LRIF1: variants seen among roughly 807,000 people sequenced by gnomAD.
LRIF1 encodes ligand-dependent nuclear receptor-interacting factor 1.
LRIF1 carries 32 observed loss-of-function variants against 52.7 expected under a neutral mutation model. That is an observed-to-expected ratio of 0.61 (90% CI 0.46 to 0.82). The LOEUF is 0.82. Ranked by LOEUF, LRIF1 falls within the 40% of genes least tolerant of loss-of-function variation. LRIF1 has a pLI of 0.00. For synonymous variants in LRIF1, 323 were observed against 317.4 expected, an observed-to-expected ratio of 1.02 and a Z score of -0.19; for missense variants, 887 against 892.0, an observed-to-expected ratio of 0.99 and a Z score of 0.07.
the LRIF1 span, among the ~76,000 whole-genome samples, chr1:110,879,029 G>GTT: frequency 3.3e-5 from 5 of 151,772 alleles, no homozygotes; most frequent in Admixed American, 6.6e-5. Flanking sequence ...ATTTCTTTTT[G>GTT]TTTTTTTATT....
rs370441345 is a variant in LRIF1 at position 110,951,899 on chromosome 1, C to T, written c.985G>A (p.Asp329Asn). Residue 329 changes from aspartate to asparagine, a missense_variant, in exon 2 of 4, where the codon GAT becomes AAT. Coordinates refer to ENST00000369763, the MANE Select transcript of LRIF1 (RefSeq NM_018372.4). ...KTFVDRKNLGDNTINMPPLST... is the reference protein window; with the variant it reads ...KTFVDRKNLGNNTINMPPLST... ...AATGGTGGCATATTTATAGTATTAT[C>T]TCCCAAATTTTTCCTATCTACAAAA... 87 of 1,613,982 alleles carry T rather than the reference C, an allele frequency of 5.4e-5. No individual in the cohort carries two copies. In the African/African-American group the frequency reaches 9.7e-4, roughly 18 times the overall value.
chr1:110,952,398 A>G lies in LRIF1; in HGVS notation c.486T>C (p.Phe162=). The part of the protein sequence containing the change: ...VPPSTQKDSS[F]IVVNTQSLPV... ...GAAGACTCTGGGTATTAACTACAAT[A>G]AAAGATGAGTCTTTTTGTGTTGAGG... is the stretch of plus-strand genomic sequence containing the variant. Residue 162 remains phenylalanine (F), a synonymous_variant, in exon 2 of 4, where the codon TTT becomes TTC. Coordinates refer to ENST00000369763, the MANE Select transcript of LRIF1 (RefSeq NM_018372.4). 6.2e-7 allele frequency: 1 copy of G among 1,613,628 alleles called. No homozygotes were observed. Among genetic ancestry groups the G allele is most frequent in the South Asian group, 1.1e-5 (1 of 91,070 alleles).
chr1:110,917,035 G>A, the LRIF1 span, among the ~76,000 whole-genome samples: 1 of 152,200 alleles, frequency 6.6e-6, no homozygotes, highest in Non-Finnish European at 1.5e-5. Context: ...TCAGGGCAGA[G>A]TCACCATATT....
At chr1:110,957,820 A>G (rs1362933671) in intron 1 of LRIF1, among the ~76,000 whole-genome samples, 1 of 152,192 alleles carries the variant, frequency 6.6e-6, no homozygotes, top group African/African-American at 2.4e-5. Context: ...AGAACCTTGC[A>G]TATGTCCTTA....
the LRIF1 span, among the ~76,000 whole-genome samples, chr1:110,905,047 TAGTG>T: frequency 1.3e-5 from 2 of 151,974 alleles, no homozygotes; most frequent in South Asian, 2.1e-4. Context: ...AAGAAAGAAT[TAGTG>T]AGCTTGAAGA....
the LRIF1 span, among the ~76,000 whole-genome samples, chr1:110,895,234 A>T: frequency 1.3e-5 from 2 of 152,298 alleles, no homozygotes; most frequent in East Asian, 3.9e-4. Flanking sequence ...ATTAGTACAA[A>T]GTTCTCTACA....
chr1:110,885,605 G>A, the LRIF1 span, among the ~76,000 whole-genome samples: 1 of 152,000 alleles, frequency 6.6e-6, no homozygotes, highest in Admixed American at 6.6e-5. Flanking sequence ...GCTCAAGCCT[G>A]TAATCCCAAC....
the LRIF1 span, among the ~76,000 whole-genome samples, chr1:110,908,103 T>C: frequency 6.6e-6 from 1 of 152,206 alleles, no homozygotes; most frequent in South Asian, 2.1e-4. Flanking sequence ...AGAAATTCTA[T>C]ATAAAAAGAA....
the LRIF1 span, among the ~76,000 whole-genome samples, chr1:110,923,785 G>GA: frequency 6.6e-6 from 1 of 151,898 alleles, no homozygotes; most frequent in African/African-American, 2.4e-5. Flanking sequence ...TATTAGAAGA[G>GA]AAAAAAGAGT....
At chr1:110,957,301 CAAAAAAAAA>C (rs35011841) in intron 1 of LRIF1, among the ~76,000 whole-genome samples, 1 of 81,886 alleles carries the variant, frequency 1.2e-5, no homozygotes, top group Non-Finnish European at 2.4e-5. Flanking sequence ...ACTAAAAATA[CAAAAAAAAA>C]AAAAAAAAAA....
At chr1:110,961,835 G>A (rs905166757) in intron 1 of LRIF1, among the ~76,000 whole-genome samples, 1 of 151,896 alleles carries the variant, frequency 6.6e-6, no homozygotes, top group African/African-American at 2.4e-5. Context: ...AATCAAATAC[G>A]CAACCATTAA....
Position 110,954,936 on chromosome 1 carries a change from T to C in LRIF1, c.69-2121A>G, listed in dbSNP as rs547097797. On this transcript the variant is annotated intron_variant, in intron 1 of 3. Coordinates refer to ENST00000369763, the MANE Select transcript of LRIF1 (RefSeq NM_018372.4). ...AGAAAGAATCCTTCTCTTCCTATTC[T>C]GTACTCTTTTGTTAGATGCTTTCTT... Among the ~76,000 whole-genome samples, 10 of 152,382 alleles carry C rather than the reference T, an allele frequency of 6.6e-5. No homozygotes were observed. The South Asian group carries it at 2.1e-3, about 32-fold the overall frequency.
rs765992594 is a variant in LRIF1 at position 110,951,982 on chromosome 1, G to A, written c.902C>T (p.Thr301Met). 178 of 1,614,144 alleles carry A rather than the reference G, an allele frequency of 1.1e-4. No homozygotes were observed. Among genetic ancestry groups the A allele is most frequent in the South Asian group, 1.9e-4 (17 of 91,080 alleles). Residue 301 changes from threonine (T) to methionine (M), a missense_variant, in exon 2 of 4, where the codon ACG becomes ATG. Physicochemically the swap from Thr to Met is moderately conservative, Grantham distance 81. Transcript: ENST00000369763. ...WIFQDNLQPF[T>M]PSLVPVKSSN... is the part of the protein sequence containing the mutation. Reference sequence around the variant, plus strand: ...AGACTTAACAGGAACAAGAGATGGCGTAAAAGGCTGTAGATTATCTTGGAA... The same window carrying A: ...AGACTTAACAGGAACAAGAGATGGCATAAAAGGCTGTAGATTATCTTGGAA...
the LRIF1 span, among the ~76,000 whole-genome samples, chr1:110,909,657 C>T: frequency 4.0e-4 from 59 of 148,674 alleles, no homozygotes; most frequent in African/African-American, 1.4e-3. Context: ...CTCGGCTTAC[C>T]GCAACCTCTG....
Position 110,950,111 on chromosome 1 carries a change from T to C in LRIF1, c.1609A>G (p.Met537Val). Residue 537 changes from methionine to valine, a missense_variant, in exon 3 of 4, where the codon ATG (methionine) becomes GTG (valine). Physicochemically the swap from Met to Val is conservative, Grantham distance 21. Transcript: ENST00000369763. ...RDQEPKIHNEMASTSDKGAQG... is the reference protein window; with the variant it reads ...RDQEPKIHNEVASTSDKGAQG... Reference sequence around the variant, plus strand: ...GCACCTTTATCTGATGTTGATGCCATCTCATTATGGATCTGGAATTAGGAA... The same window carrying C: ...GCACCTTTATCTGATGTTGATGCCACCTCATTATGGATCTGGAATTAGGAA... 6.2e-7 allele frequency: 1 copy of C among 1,612,098 alleles called. No individual in the cohort carries two copies.
At chr1:110,879,690 A>G in the LRIF1 span, among the ~76,000 whole-genome samples, 2 of 152,168 alleles carry the variant, frequency 1.3e-5, no homozygotes, top group African/African-American at 2.4e-5. Flanking sequence ...GGATCAGATA[A>G]GGCTGAAGAT....
the LRIF1 span, chr1:110,896,695 G>A: frequency 9.3e-6 from 15 of 1,613,382 alleles, no homozygotes; most frequent in Non-Finnish European, 1.3e-5. Flanking sequence ...TTGGACCAGT[G>A]GCCCACCAGC....
At chr1:110,929,607 G>A in the LRIF1 span, among the ~76,000 whole-genome samples, 2 of 151,698 alleles carry the variant, frequency 1.3e-5, no homozygotes, top group East Asian at 1.9e-4. Flanking sequence ...CTTTTTAATG[G>A]GTTTTTTTTC....
At chr1:110,893,188 A>T in the LRIF1 span, among the ~76,000 whole-genome samples, 5 of 152,244 alleles carry the variant, frequency 3.3e-5, no homozygotes, top group African/African-American at 4.8e-5. Flanking sequence ...CCCAGAACAG[A>T]GCTTGGTGTA....
Sources: allele counts gnomAD v4.1 joint callset (sites outside exome capture counted in the v4.1 genomes callset), GRCh38; gene constraint gnomAD v4.1.1; transcripts MANE v1.5; gene names NCBI Gene and HGNC (gene_info 2026-07-23, HGNC 2026-07-21).